PRKG1: variants seen among roughly 807,000 people sequenced by gnomAD.
PRKG1 encodes protein kinase cGMP-dependent 1, also known as cGMP-dependent protein kinase 1.
A neutral mutation model predicts 88.1 loss-of-function variants in PRKG1; 35 were observed. The ratio of observed to expected loss-of-function variants is 0.40; its 90% CI spans 0.30 to 0.53. The LOEUF (loss-of-function observed/expected upper bound fraction) is 0.53. Among genes scored for constraint, PRKG1 ranks in the 20% least tolerant of loss-of-function variants. The pLI, the probability that PRKG1 is intolerant of heterozygous loss-of-function variation, is 0.59. For synonymous variants in PRKG1, 303 were observed against 292.5 expected, an observed-to-expected ratio of 1.04 and a Z score of -0.37; for missense variants, 540 against 839.8, an observed-to-expected ratio of 0.64 and a Z score of 4.41.
intron 9 of PRKG1, among the ~76,000 whole-genome samples, chr10:52,204,301 G>T (rs1378017791): frequency 6.6e-6 from 1 of 151,918 alleles, no homozygotes; most frequent in Non-Finnish European, 1.5e-5. Flanking sequence ...GGCCAGGCTG[G>T]TCTCAAACTC....
intron 9 of PRKG1, among the ~76,000 whole-genome samples, chr10:52,186,490 C>T (rs1485814651): frequency 6.6e-6 from 1 of 152,078 alleles, no homozygotes; most frequent in African/African-American, 2.4e-5. Flanking sequence ...CAATCACCTC[C>T]CACCAGACCT....
At chr10:52,077,631 G>A (rs891820590) in intron 7 of PRKG1, among the ~76,000 whole-genome samples, 53 of 152,056 alleles carry the variant, frequency 3.5e-4, no homozygotes, top group Admixed American at 4.6e-4. Context: ...CTAATATGAC[G>A]TTTTAAAACT....
intron 2 of PRKG1, among the ~76,000 whole-genome samples, chr10:51,327,525 G>A (rs535323946): frequency 7.2e-5 from 11 of 151,872 alleles, no homozygotes; most frequent in East Asian, 5.8e-4. Flanking sequence ...AAAATTGCAC[G>A]TACAGACATG....
At chr10:52,021,720 T>C (rs1845190047) in intron 5 of PRKG1, among the ~76,000 whole-genome samples, 1 of 148,288 alleles carries the variant, frequency 6.7e-6, no homozygotes, top group Non-Finnish European at 1.5e-5. Context: ...AAATTTTTTG[T>C]GATGATGATG....
intron 4 of PRKG1, among the ~76,000 whole-genome samples, chr10:51,823,869 T>C (rs79606924): frequency 1.0e-5 from 1 of 95,366 alleles, no homozygotes; most frequent in African/African-American, 7.5e-5. Context: ...CTCTCTCCTT[T>C]TTTTTTTTTT....
chr10:51,830,354 AC>A (rs1163887984), intron 4 of PRKG1, among the ~76,000 whole-genome samples: 1 of 152,144 alleles, frequency 6.6e-6, no homozygotes, highest in Non-Finnish European at 1.5e-5. Flanking sequence ...TATCCAGAGT[AC>A]ATAATTTTCC....
At chr10:51,795,836 T>C (rs939820799) in intron 3 of PRKG1, among the ~76,000 whole-genome samples, 10 of 152,106 alleles carry the variant, frequency 6.6e-5, no homozygotes, top group African/African-American at 2.2e-4. Flanking sequence ...AAGCCCTCAA[T>C]TTCTGGTCTA....
At chr10:50,992,566 C>A (rs757781559) in intron 1 of PRKG1, among the ~76,000 whole-genome samples, 1 of 152,054 alleles carries the variant, frequency 6.6e-6, no homozygotes, top group African/African-American at 2.4e-5. Flanking sequence ...GCTGTTTCTC[C>A]GGACGCCTCT....
In PRKG1 at chr10:51,431,210, T is replaced by C. The variant is rs941788275; in HGVS notation, c.479-36513T>C. On this transcript the variant is annotated intron_variant, in intron 2 of 17. Coordinates refer to ENST00000373980, the MANE Select transcript of PRKG1 (RefSeq NM_006258.4). ...TGTATCAATGGCTATACCCATGGGATTTTAATTTATGGAAGTGACAAAGTG... is the reference window on the plus strand; with the variant it reads ...TGTATCAATGGCTATACCCATGGGACTTTAATTTATGGAAGTGACAAAGTG... 2.0e-5 allele frequency among the ~76,000 whole-genome samples: 3 copies of C among 152,082 alleles called. No homozygotes were observed. The South Asian group carries it at 6.2e-4, about 32-fold the overall frequency.
At chr10:51,008,841 T>C (rs528400775) in intron 1 of PRKG1, among the ~76,000 whole-genome samples, 3 of 152,348 alleles carry the variant, frequency 2.0e-5, no homozygotes, top group Admixed American at 2.0e-4. Context: ...ATTTAGGTAT[T>C]TATGATACAA....
chr10:52,132,983 T>C (rs755920345), intron 7 of PRKG1, among the ~76,000 whole-genome samples: 2 of 152,194 alleles, frequency 1.3e-5, no homozygotes, highest in East Asian at 1.9e-4. Context: ...TTTAAAAATA[T>C]ACAATTGTGT....
At chr10:51,731,204 T>C (rs1399450338) in intron 3 of PRKG1, among the ~76,000 whole-genome samples, 1 of 152,142 alleles carries the variant, frequency 6.6e-6, no homozygotes, top group Non-Finnish European at 1.5e-5. Flanking sequence ...TAAGGTCTTA[T>C]ATTGAGAACT....
intron 7 of PRKG1, among the ~76,000 whole-genome samples, chr10:52,111,500 A>G (rs771604876): frequency 2.0e-5 from 3 of 152,244 alleles, no homozygotes; most frequent in Non-Finnish European, 4.4e-5. Context: ...CATAGCTATT[A>G]GTGTTTTAAC....
intron 5 of PRKG1, among the ~76,000 whole-genome samples, chr10:51,989,576 A>G (rs1589490811): frequency 7.2e-6 from 1 of 139,100 alleles, no homozygotes; most frequent in African/African-American, 2.8e-5. Flanking sequence ...TATCAAGTCT[A>G]TAGAAGCCAA....
At chr10:51,119,740 A>G (rs567047778) in intron 1 of PRKG1, among the ~76,000 whole-genome samples, 12 of 152,214 alleles carry the variant, frequency 7.9e-5, no homozygotes, top group Non-Finnish European at 1.3e-4. Context: ...TCATGTTGAT[A>G]TACTTTAAAA....
intron 5 of PRKG1, among the ~76,000 whole-genome samples, chr10:51,969,224 G>A (rs548962158): frequency 1.3e-5 from 2 of 152,208 alleles, no homozygotes; most frequent in East Asian, 3.9e-4. Context: ...TGCAAAACCA[G>A]GCTGAAGAAG....
chr10:52,258,247 C>T (rs987134179), intron 10 of PRKG1, among the ~76,000 whole-genome samples: 1 of 138,742 alleles, frequency 7.2e-6, no homozygotes, highest in Admixed American at 7.6e-5. Flanking sequence ...CTAGAATGCA[C>T]TGGGCATGTC....
At chr10:52,149,425 T>G (rs78820420) in intron 8 of PRKG1, among the ~76,000 whole-genome samples, 5,722 of 152,110 alleles carry the variant, frequency 0.038, 344 homozygotes, top group African/African-American at 0.13. Flanking sequence ...AATCCATATG[T>G]TGAAGTTCTA....
At chr10:51,623,849 T>C (rs889936496) in intron 3 of PRKG1, among the ~76,000 whole-genome samples, 1 of 152,146 alleles carries the variant, frequency 6.6e-6, no homozygotes, top group African/African-American at 2.4e-5. Context: ...ACTCTGACGT[T>C]GGGTTCTAAT....
Sources: allele counts gnomAD v4.1 joint callset (sites outside exome capture counted in the v4.1 genomes callset), GRCh38; gene constraint gnomAD v4.1.1; transcripts MANE v1.5; gene names NCBI Gene and HGNC (gene_info 2026-07-23, HGNC 2026-07-21).